Variants in RASGEF1C observed in about 807,000 individuals in gnomAD.
RASGEF1C encodes the protein RasGEF domain family member 1C.
RASGEF1C carries 27 observed loss-of-function variants against 58.1 expected under a neutral mutation model. That is an observed-to-expected ratio of 0.46 (90% CI 0.34 to 0.64). The LOEUF (loss-of-function observed/expected upper bound fraction) is 0.64. Ranked by LOEUF, RASGEF1C falls within the 30% of genes least tolerant of loss-of-function variation. The pLI, the probability that RASGEF1C is intolerant of heterozygous loss-of-function variation, is 0.01. For missense variants in RASGEF1C, 502 were observed against 605.1 expected (o/e 0.83, Z 1.79); for synonymous variants, 243 against 246.3 (o/e 0.99, Z 0.13).
intron 1 of RASGEF1C, among the ~76,000 whole-genome samples, chr5:180,153,372 G>T (rs191238247): frequency 5.3e-5 from 8 of 152,162 alleles, no homozygotes; most frequent in Admixed American, 4.6e-4. Flanking sequence ...TGGGGGTGGG[G>T]GATAGCTAGC....
At chr5:180,138,088 A>G (rs777988146) in intron 1 of RASGEF1C, 30 bp from the exon 2 acceptor site, 1 of 1,357,842 alleles carries the variant, frequency 7.4e-7, no homozygotes, top group South Asian at 1.5e-5. Context: ...TGAGGACCTG[A>G]GTGGGGGCAC....
chr5:180,105,046 A>G (rs1234176427), intron 12 of RASGEF1C, among the ~76,000 whole-genome samples: 2 of 152,202 alleles, frequency 1.3e-5, no homozygotes, highest in African/African-American at 4.8e-5. Context: ...TCCCTTTTCC[A>G]TCTTAACTAA....
At position 180,136,423 on chromosome 5, in the gene RASGEF1C, G is replaced by A. The variant is rs777264739; in HGVS notation, c.393C>T (p.Ile131=). Residue 131 remains isoleucine, a synonymous_variant, in exon 4 of 14, where the codon ATC becomes ATT. Coordinates refer to ENST00000361132, the MANE Select transcript of RASGEF1C (RefSeq NM_175062.4). The stretch of plus-strand genomic sequence containing the variant: ...GGCCCACGACGTCCTTAAGGTGCCC[G>A]ATAGTCGACTCTTCCTGGAAGTCCC... ...FPRDFQEEST[I]GHLKDVVGRI... 7.7e-6 allele frequency: 12 copies of A among 1,561,182 alleles called. No homozygotes were observed. The highest frequency in any genetic ancestry group is 5.4e-5 in the African/African-American group (4 of 73,480).
Position 180,149,137 on chromosome 5 carries a change from G to A in RASGEF1C, c.-6-11079C>T, listed in dbSNP as rs144597640. ...AGAGTCTTGCTCTGTCACCAGGCTG[G>A]AGTGCAATGGCACAATCTCGGCTCA... On this transcript the variant is annotated intron_variant, in intron 1 of 13. Transcript: ENST00000361132. Among the ~76,000 whole-genome samples, 1,231 of 141,646 alleles carry A rather than the reference G, an allele frequency of 8.7e-3. 11 individuals are homozygous for A. Among genetic ancestry groups the A allele is most frequent in the Non-Finnish European group, 0.014 (934 of 66,560 alleles). The allele number at this position is 141,646 out of a possible 152,430, so 92.9% of individuals were successfully genotyped here.
At chr5:180,152,378 C>A (rs1460495359) in intron 1 of RASGEF1C, among the ~76,000 whole-genome samples, 4 of 152,110 alleles carry the variant, frequency 2.6e-5, no homozygotes, top group African/African-American at 9.7e-5. Flanking sequence ...GAATACTATG[C>A]AGCCATAACA....
At chr5:180,152,714 T>TAA (rs200760464) in intron 1 of RASGEF1C, among the ~76,000 whole-genome samples, 166 of 140,476 alleles carry the variant, frequency 1.2e-3, no homozygotes, top group African/African-American at 3.9e-3. Flanking sequence ...AAAGTATAAT[T>TAA]AAAAAAAAAA....
intron 1 of RASGEF1C, among the ~76,000 whole-genome samples, chr5:180,150,409 A>G (rs889048994): frequency 2.0e-5 from 3 of 152,090 alleles, no homozygotes; most frequent in African/African-American, 7.2e-5. Context: ...TTTTCCTTCA[A>G]ATGATCCATG....
chr5:180,125,995 C>G (rs1006524186), intron 6 of RASGEF1C, among the ~76,000 whole-genome samples: 7 of 152,248 alleles, frequency 4.6e-5, no homozygotes, highest in Non-Finnish European at 1.0e-4. Context: ...CAGCAAAAAG[C>G]TGGACACACA....
intron 6 of RASGEF1C, among the ~76,000 whole-genome samples, chr5:180,121,529 G>A (rs1460001329): frequency 6.6e-6 from 1 of 151,996 alleles, no homozygotes; most frequent in Non-Finnish European, 1.5e-5. Flanking sequence ...TAGCCAGGAT[G>A]GTCTCCATCT....
intron 1 of RASGEF1C, among the ~76,000 whole-genome samples, chr5:180,205,917 T>C (rs1480281501): frequency 6.6e-6 from 1 of 152,068 alleles, no homozygotes; most frequent in East Asian, 1.9e-4. Context: ...TATATTTTGG[T>C]AGAGACAAGG....
chr5:180,127,577 C>G (rs780907430), intron 6 of RASGEF1C, 32 bp downstream of exon 6: 3 of 1,579,374 alleles, frequency 1.9e-6, no homozygotes, highest in Non-Finnish European at 2.6e-6. Context: ...GGGTGAGGCT[C>G]ACTTTTGGGA....
intron 12 of RASGEF1C, among the ~76,000 whole-genome samples, chr5:180,108,135 T>C (rs896727842): frequency 1.3e-5 from 2 of 152,112 alleles, no homozygotes; most frequent in Non-Finnish European, 1.5e-5. Flanking sequence ...TGTGATGACA[T>C]GAGTGTGGGA....
At chr5:180,107,548 C>A (rs1765891067) in intron 12 of RASGEF1C, among the ~76,000 whole-genome samples, 1 of 152,072 alleles carries the variant, frequency 6.6e-6, no homozygotes, top group East Asian at 1.9e-4. Flanking sequence ...TGTTTTCCCC[C>A]TATGGGTAAA....
intron 4 of RASGEF1C, among the ~76,000 whole-genome samples, chr5:180,132,594 G>C (rs908353949): frequency 6.6e-6 from 1 of 152,192 alleles, no homozygotes; most frequent in African/African-American, 2.4e-5. Flanking sequence ...TGTCCTCTAT[G>C]TCAGCTTTCT....
At chr5:180,173,365 C>T (rs1033025855) in intron 1 of RASGEF1C, among the ~76,000 whole-genome samples, 3 of 152,206 alleles carry the variant, frequency 2.0e-5, no homozygotes, top group African/African-American at 7.2e-5. Flanking sequence ...CACCCGGTTT[C>T]CAGACCAAAG....
At chr5:180,154,101 G>T (rs537603316) in intron 1 of RASGEF1C, among the ~76,000 whole-genome samples, 7 of 152,316 alleles carry the variant, frequency 4.6e-5, no homozygotes, top group Admixed American at 2.6e-4. Flanking sequence ...TTCTCTCTGT[G>T]AAGGGCGCCC....
At chr5:180,186,145 C>G (rs1224621946) in intron 1 of RASGEF1C, among the ~76,000 whole-genome samples, 1 of 149,126 alleles carries the variant, frequency 6.7e-6, no homozygotes, top group Non-Finnish European at 1.5e-5. Context: ...TCGCTTTTAC[C>G]ATTGCTATTC....
chr5:180,156,356 G>A lies in RASGEF1C; in HGVS notation c.-6-18298C>T, dbSNP rs985061966. Reference sequence around the variant, plus strand: ...GGGAGCTGACAAGGCCCCTCCGGGGGAAGTCGTGAGCAGGGTTGAAAGGGA... The same window carrying A: ...GGGAGCTGACAAGGCCCCTCCGGGGAAAGTCGTGAGCAGGGTTGAAAGGGA... On this transcript the variant is annotated intron_variant, in intron 1 of 13. Transcript: ENST00000361132. The surrounding 1 kb of genome is among the most constrained non-coding windows in gnomAD (Gnocchi z 4.9). Among the ~76,000 whole-genome samples, 1 of 152,202 alleles carries A rather than the reference G, an allele frequency of 6.6e-6. No homozygotes were observed. Among genetic ancestry groups the A allele is most frequent in the Non-Finnish European group, 1.5e-5 (1 of 68,044 alleles).
At chr5:180,113,837 C>T (rs533140806) in intron 11 of RASGEF1C, among the ~76,000 whole-genome samples, 7 of 149,440 alleles carry the variant, frequency 4.7e-5, no homozygotes, top group East Asian at 4.0e-4. Context: ...GATGGAGGGA[C>T]CGAGGATGGA....
Sources: allele counts gnomAD v4.1 joint callset (sites outside exome capture counted in the v4.1 genomes callset), GRCh38; gene constraint gnomAD v4.1.1; non-coding constraint Gnocchi (gnomAD v3.1); transcripts MANE v1.5; gene names NCBI Gene and HGNC (gene_info 2026-07-23, HGNC 2026-07-21).